The following RANBP17 variants were observed in gnomAD, a reference collection of about 807,000 sequenced individuals.
The protein encoded by RANBP17 is RAN binding protein 17, also known as ran-binding protein 17.
RANBP17 carries 158 observed loss-of-function variants against 141.2 expected under a neutral mutation model. The ratio of observed to expected loss-of-function variants is 1.12; its 90% CI spans 0.98 to 1.28. The LOEUF is 1.28. Among genes scored for constraint, RANBP17 ranks in the 50% most tolerant of loss-of-function variants. The pLI, the probability that RANBP17 is intolerant of heterozygous loss-of-function variation, is 0.00. For synonymous variants in RANBP17, 430 were observed against 450.0 expected (o/e 0.96, Z 0.56); for missense variants, 1,438 against 1,290.7 (o/e 1.11, Z -1.75).
intron 14 of RANBP17, among the ~76,000 whole-genome samples, chr5:171,019,727 T>G (rs551468414): frequency 3.9e-4 from 60 of 152,174 alleles, no homozygotes; most frequent in African/African-American, 1.4e-3. Context: ...GATTCATTGA[T>G]TTTTTTGGAG....
At chr5:170,918,058 A>G (rs1772119191) in intron 9 of RANBP17, 3 of 152,136 alleles carry the variant, frequency 2.0e-5, no homozygotes, top group South Asian at 2.1e-4. Flanking sequence ...AGGAGCTTAC[A>G]GACAACTGGG....
At chr5:171,196,420 T>C (rs1761982742) in intron 18 of RANBP17, among the ~76,000 whole-genome samples, 1 of 152,136 alleles carries the variant, frequency 6.6e-6, no homozygotes. Context: ...GAATATTAAG[T>C]TAGGAGTTGA....
intron 20 of RANBP17, among the ~76,000 whole-genome samples, chr5:171,208,393 C>T (rs1157411742): frequency 4.6e-5 from 7 of 152,152 alleles, no homozygotes; most frequent in Non-Finnish European, 1.5e-5. Context: ...CATTGACATA[C>T]TTCTTTGCCC....
intron 7 of RANBP17, 132 bp from the exon 8 acceptor site, chr5:170,914,035 A>T: frequency 1.6e-6 from 1 of 641,762 alleles, no homozygotes; most frequent in Non-Finnish European, 2.8e-6. Flanking sequence ...GCTAGGAATT[A>T]AAAATAGGCC....
At chr5:171,175,278 A>G (rs1033914279) in intron 16 of RANBP17, among the ~76,000 whole-genome samples, 2 of 152,194 alleles carry the variant, frequency 1.3e-5, no homozygotes, top group Non-Finnish European at 2.9e-5. Flanking sequence ...ATGTGTCTTT[A>G]CAGTAGAATG....
At chr5:171,040,699 C>A (rs922544975) in intron 14 of RANBP17, among the ~76,000 whole-genome samples, 4 of 151,926 alleles carry the variant, frequency 2.6e-5, no homozygotes, top group Non-Finnish European at 5.9e-5. Flanking sequence ...GAAAAGAAGA[C>A]CTTAGGAGAA....
intron 14 of RANBP17, among the ~76,000 whole-genome samples, chr5:170,977,153 A>G (rs1777439860): frequency 6.6e-6 from 1 of 152,082 alleles, no homozygotes; most frequent in African/African-American, 2.4e-5. Flanking sequence ...TAATAAAAAG[A>G]TAAATAACCC....
intron 14 of RANBP17, among the ~76,000 whole-genome samples, chr5:171,164,730 G>A (rs1286717068): frequency 6.6e-6 from 1 of 152,092 alleles, no homozygotes; most frequent in Non-Finnish European, 1.5e-5. Flanking sequence ...AAGAGAGATG[G>A]GTAACTGGTT....
intron 25 of RANBP17, among the ~76,000 whole-genome samples, chr5:171,283,255 C>T (rs564768683): frequency 6.6e-6 from 1 of 152,268 alleles, no homozygotes; most frequent in East Asian, 1.9e-4. Flanking sequence ...TGTATCTCCT[C>T]CCCTACTCAA....
intron 25 of RANBP17, among the ~76,000 whole-genome samples, chr5:171,282,086 G>A (rs1767893483): frequency 6.6e-6 from 1 of 152,184 alleles, no homozygotes; most frequent in Non-Finnish European, 1.5e-5. Context: ...GCTTACCTAA[G>A]TGACAACTAA....
At chr5:171,289,006 T>C (rs1393095056) in intron 25 of RANBP17, among the ~76,000 whole-genome samples, 1 of 152,244 alleles carries the variant, frequency 6.6e-6, no homozygotes, top group Non-Finnish European at 1.5e-5. Flanking sequence ...GACAAGAACT[T>C]CCCTGTTTTC....
At chr5:171,273,290 G>A in intron 25 of RANBP17, among the ~76,000 whole-genome samples, 1 of 152,160 alleles carries the variant, frequency 6.6e-6, no homozygotes, top group East Asian at 1.9e-4. Context: ...CTGCTGTTGA[G>A]TACCATTAAC....
intron 16 of RANBP17, among the ~76,000 whole-genome samples, chr5:171,182,394 T>G (rs1760917193): frequency 6.6e-6 from 1 of 152,202 alleles, no homozygotes; most frequent in African/African-American, 2.4e-5. Context: ...ATGCTCCTTC[T>G]AAGTTGAACT....
intron 13 of RANBP17, among the ~76,000 whole-genome samples, chr5:170,965,438 A>T (rs188531471): frequency 6.6e-6 from 1 of 152,084 alleles, no homozygotes; most frequent in Admixed American, 6.6e-5. Flanking sequence ...TTTTGTTGCC[A>T]TTGCTTTTGG....
Position 170,976,966 on chromosome 5 carries a change from C to T in RANBP17, c.1710+8589C>T, listed in dbSNP as rs896489089. Among the ~76,000 whole-genome samples, 6 of 152,134 alleles carry T rather than the reference C, an allele frequency of 3.9e-5. No individual in the cohort carries two copies. In the East Asian group the frequency reaches 9.6e-4, roughly 24 times the overall value. On this transcript the variant is annotated intron_variant, in intron 14 of 27. Transcript: ENST00000523189. ...GGTTTCTTAGCTATGACATCAAAAG[C>T]TCAAGCAGCTAAAGAAAAAGATACA...
chr5:171,190,386 A>G (rs1761546107), intron 18 of RANBP17, among the ~76,000 whole-genome samples: 1 of 152,236 alleles, frequency 6.6e-6, no homozygotes, highest in African/African-American at 2.4e-5. Context: ...TAAACTAGAC[A>G]AAATGTTCAC....
chr5:170,930,781 G>C (rs1202192679), intron 12 of RANBP17, among the ~76,000 whole-genome samples: 1 of 152,152 alleles, frequency 6.6e-6, no homozygotes, highest in African/African-American at 2.4e-5. Context: ...TGGTGTATGT[G>C]TGTCACATTT....
intron 14 of RANBP17, among the ~76,000 whole-genome samples, chr5:171,013,776 A>G (rs1271114868): frequency 6.6e-6 from 1 of 152,140 alleles, no homozygotes; most frequent in African/African-American, 2.4e-5. Flanking sequence ...TTTAGAATTA[A>G]CACATGCATT....
At chr5:170,990,326 G>C (rs567807156) in intron 14 of RANBP17, among the ~76,000 whole-genome samples, 21 of 151,928 alleles carry the variant, frequency 1.4e-4, no homozygotes, top group Middle Eastern at 3.4e-3. Context: ...GCTACCTCTT[G>C]GTTATGTAAT....
Sources: gnomAD v4.1 joint callset for allele counts (sites outside exome capture counted in the v4.1 genomes callset) on GRCh38, gnomAD v4.1.1 for gene constraint, MANE v1.5 for transcripts, NCBI Gene and HGNC (gene_info 2026-07-23, HGNC 2026-07-21) for gene names.